MGA: variants seen among roughly 807,000 people sequenced by gnomAD.
MGA encodes MAX dimerization protein MGA.
A neutral mutation model predicts 261.1 loss-of-function variants in MGA; 40 were observed. That is an observed-to-expected ratio of 0.15 (90% CI 0.12 to 0.20). MGA has a LOEUF of 0.20. Ranked by LOEUF, MGA falls within the 10% of genes least tolerant of loss-of-function variation. The pLI is 1.00. For missense variants in MGA, 3,397 were observed against 3,630.5 expected, an observed-to-expected ratio of 0.94 and a Z score of 1.65; for synonymous variants, 1,302 against 1,290.6, an observed-to-expected ratio of 1.01 and a Z score of -0.19.
intron 1 of MGA, among the ~76,000 whole-genome samples, chr15:41,663,633 C>G (rs2057550011): frequency 6.6e-6 from 1 of 151,986 alleles, no homozygotes; most frequent in Non-Finnish European, 1.5e-5. Flanking sequence ...CGACGCCCGG[C>G]TAATTTTTTG....
rs2056302454 is a variant in MGA, at chr15:41,621,937, G to A, written c.-68+639G>A. Reference sequence around the variant, plus strand: ...GGTGAGCACAGACGACAAGTTCTCAGCAAAATGGCTGCTGGAAAGAGTCGC... The same window carrying A: ...GGTGAGCACAGACGACAAGTTCTCAACAAAATGGCTGCTGGAAAGAGTCGC... On this transcript the variant is annotated intron_variant, in intron 1 of 8. Coordinates refer to the MGA transcript ENST00000566718. 2.0e-5 allele frequency among the ~76,000 whole-genome samples: 3 copies of A among 151,690 alleles called. No homozygotes were observed. The South Asian group carries it at 6.2e-4, about 32-fold the overall frequency.
chr15:41,622,631 G>A (rs1409232367), intron 1 of MGA, among the ~76,000 whole-genome samples: 1 of 152,204 alleles, frequency 6.6e-6, no homozygotes, highest in East Asian at 1.9e-4. Context: ...TAACTGCGGA[G>A]ATGGGGAAAT....
At position 41,709,017 on chromosome 15, in the gene MGA, A is replaced by G. The variant is rs1392443447; in HGVS notation, c.2425+809A>G. ...CACAGTATTTATAACAATGTAATTC[A>G]TGTCTCTGTACTTAATTTTTTTGTT... On this transcript the variant is annotated intron_variant, in intron 7 of 23. Transcript: ENST00000219905. 2.0e-5 allele frequency among the ~76,000 whole-genome samples: 3 copies of G among 152,122 alleles called. No homozygotes were observed. In the East Asian group the frequency reaches 5.8e-4, roughly 29 times the overall value.
intron 1 of MGA, among the ~76,000 whole-genome samples, chr15:41,627,652 G>A (rs1390701862): frequency 6.6e-6 from 1 of 152,158 alleles, no homozygotes; most frequent in Non-Finnish European, 1.5e-5. Context: ...TCTACCAGTA[G>A]CATTTATAAT....
At chr15:41,737,971 T>C (rs1370132762) in intron 13 of MGA, among the ~76,000 whole-genome samples, 1 of 148,168 alleles carries the variant, frequency 6.7e-6, no homozygotes, top group Non-Finnish European at 1.5e-5. Context: ...CAGAGGGAGA[T>C]TGTCTCAAAA....
chr15:41,761,685 G>T lies in MGA; in HGVS notation c.7399-54G>T, dbSNP rs959978461. On this transcript the variant is annotated intron_variant, in intron 20 of 23. Transcript: ENST00000219905. ...TAGAGAAATTGTATAGGCCTTAGCTGTGTTTAAAGAAAGAGTGGATCAATT... is the reference window on the plus strand; with the variant it reads ...TAGAGAAATTGTATAGGCCTTAGCTTTGTTTAAAGAAAGAGTGGATCAATT... 36 of 1,135,042 alleles carry T rather than the reference G, an allele frequency of 3.2e-5. No individual in the cohort carries two copies. The African/African-American group carries it at 3.3e-4, about 10-fold the overall frequency. The allele number at this position is 1,135,042 out of a possible 1,614,324, so 70.3% of individuals were successfully genotyped here.
chr15:41,693,990 A>G (rs2059421333), intron 2 of MGA, among the ~76,000 whole-genome samples: 1 of 152,082 alleles, frequency 6.6e-6, no homozygotes, highest in Non-Finnish European at 1.5e-5. Flanking sequence ...CTAAGAAAAT[A>G]TTTCTTAGAT....
At chr15:41,723,019 A>G (rs2061033621) in intron 9 of MGA, among the ~76,000 whole-genome samples, 1 of 152,252 alleles carries the variant, frequency 6.6e-6, no homozygotes, top group African/African-American at 2.4e-5. Flanking sequence ...TGATAAAGCT[A>G]GGGGACTTGG....
At chr15:41,729,439 C>T (rs374202880) in intron 11 of MGA, 90 bp downstream of exon 11, 29 of 1,280,792 alleles carry the variant, frequency 2.3e-5, no homozygotes, top group Non-Finnish European at 2.9e-5. Context: ...AATAATTATC[C>T]TACAGGGCAG....
intron 2 of MGA, among the ~76,000 whole-genome samples, chr15:41,679,068 C>T (rs1308863606): frequency 6.6e-6 from 1 of 152,114 alleles, no homozygotes; most frequent in Non-Finnish European, 1.5e-5. Context: ...CTGAGTCTTG[C>T]TCTGTTTCCC....
chr15:41,714,380 G>A (rs780735434), intron 9 of MGA, among the ~76,000 whole-genome samples: 1 of 152,112 alleles, frequency 6.6e-6, no homozygotes, highest in Non-Finnish European at 1.5e-5. Context: ...TAAGCTGTAC[G>A]GTGATGAACA....
chr15:41,645,056 A>G (rs1051734278), intron 1 of MGA, among the ~76,000 whole-genome samples: 1 of 152,366 alleles, frequency 6.6e-6, no homozygotes, highest in South Asian at 2.1e-4. Context: ...TACAGATGAG[A>G]AGAATGGAAT....
At chr15:41,731,470 A>G (rs1331852933) in intron 11 of MGA, among the ~76,000 whole-genome samples, 2 of 152,188 alleles carry the variant, frequency 1.3e-5, no homozygotes, top group Non-Finnish European at 2.9e-5. Flanking sequence ...AAGGAAAGAC[A>G]GAAAAAGCAT....
chr15:41,652,910 A>G (rs1277697014), intron 1 of MGA, among the ~76,000 whole-genome samples: 1 of 152,216 alleles, frequency 6.6e-6, no homozygotes, highest in Non-Finnish European at 1.5e-5. Context: ...TAATAAGGAT[A>G]GAGAACCTCA....
In MGA at chr15:41,696,670, C is replaced by G. The variant is rs1029259737; in HGVS notation, c.1660C>G (p.Pro554Ala). ...ACTGAAAGAGCCTCAGTGGAAATAT[C>G]CTGATATATCTGACAGCATTAGCAC... Residue 554 changes from proline to alanine, a missense_variant, in exon 3 of 24, where the codon CCT (proline) becomes GCT (alanine). This residue lies in a region of MGA where 563 missense variants were observed against 563.6 expected (regional missense o/e 1.00). Transcript: ENST00000219905. 1 of 1,612,680 alleles carries G rather than the reference C, an allele frequency of 6.2e-7. No individual in the cohort carries two copies. The highest frequency in any genetic ancestry group is 1.3e-5 in the African/African-American group (1 of 74,898).
chr15:41,684,365 G>T, intron 2 of MGA: 1 of 452,364 alleles, frequency 2.2e-6, no homozygotes, highest in Non-Finnish European at 4.4e-6. Flanking sequence ...TTAATTAACT[G>T]TTGTTTGTAA....
intron 1 of MGA, among the ~76,000 whole-genome samples, chr15:41,641,487 C>CT (rs35157141): frequency 0.017 from 2,107 of 123,674 alleles, 31 homozygotes; most frequent in Middle Eastern, 0.038. Context: ...CATCCTAACA[C>CT]TTTTTTTTTT....
intron 1 of MGA, among the ~76,000 whole-genome samples, chr15:41,630,778 C>T (rs1041268178): frequency 3.9e-5 from 6 of 152,162 alleles, no homozygotes; most frequent in Non-Finnish European, 8.8e-5. Context: ...TAACAGTACA[C>T]GTGTACTTTG....
At chr15:41,693,860 T>C (rs1453905539) in intron 2 of MGA, among the ~76,000 whole-genome samples, 15 of 152,144 alleles carry the variant, frequency 9.9e-5, no homozygotes, top group Admixed American at 8.5e-4. Flanking sequence ...GGAAGATAAA[T>C]TCAGTAATAA....
Sources: gnomAD v4.1 joint callset for allele counts (sites outside exome capture counted in the v4.1 genomes callset) on GRCh38, gnomAD v4.1.1 for gene constraint, gnomAD v4.1.1 regional missense constraint, MANE v1.5 for transcripts, NCBI Gene and HGNC (gene_info 2026-07-23, HGNC 2026-07-21) for gene names.